Variants in RELL1 observed in about 807,000 individuals in gnomAD.
The protein encoded by RELL1 is RELT like 1.
In RELL1, 10 loss-of-function variants were observed where a neutral mutation model predicts 23.0. The ratio of observed to expected loss-of-function variants is 0.43; its 90% CI spans 0.27 to 0.74. The LOEUF (loss-of-function observed/expected upper bound fraction) is 0.74, where lower values mean the gene tolerates loss of function less well. RELL1 is among the 30% of genes least tolerant of loss of function. The pLI, the probability that RELL1 is intolerant of heterozygous loss-of-function variation, is 0.19. For missense variants in RELL1, 315 were observed against 364.4 expected, an observed-to-expected ratio of 0.86 and a Z score of 1.10; for synonymous variants, 146 against 146.8, an observed-to-expected ratio of 0.99 and a Z score of 0.04.
At chr4:37,609,780 T>C (rs1337481959), downstream of RELL1, among the ~76,000 whole-genome samples, 1 of 152,170 alleles carries the variant, frequency 6.6e-6, no homozygotes, top group East Asian at 1.9e-4. Context: ...GAAGTGAGCA[T>C]GAAGATTGAA....
Position 37,647,448 on chromosome 4 carries a change from G to T in RELL1, c.314-9C>A. The stretch of plus-strand genomic sequence containing the variant: ...CACACTGTCATTCAATTCTGAAAGA[G>T]AAAAGAGGAGGGGAGAACAGGTTAC... On this transcript the variant is annotated splice_polypyrimidine_tract_variant and intron_variant, in intron 2 of 6. Transcript: ENST00000454158. 2 of 1,602,194 alleles carry T rather than the reference G, an allele frequency of 1.2e-6. No homozygotes were observed. Among genetic ancestry groups the T allele is most frequent in the Non-Finnish European group, 1.7e-6 (2 of 1,169,406 alleles).
chr4:37,617,483 T>G (rs1291462900), intron 6 of RELL1, among the ~76,000 whole-genome samples: 2 of 152,074 alleles, frequency 1.3e-5, no homozygotes, highest in African/African-American at 4.8e-5. Flanking sequence ...AAATATTAAT[T>G]AAAAACTTCA....
In RELL1 at chr4:37,611,729, A is replaced by AT. The variant is rs779853598; in HGVS notation, c.*1616dup. Among the ~76,000 whole-genome samples, 5 of 151,496 alleles carry AT rather than the reference A, an allele frequency of 3.3e-5. No individual in the cohort carries two copies. Among genetic ancestry groups the AT allele is most frequent in the South Asian group, 4.2e-4 (2 of 4,800 alleles). ...CAGGTGTTTTGTAAAATGTACAGTT[A>AT]TAAAAAAAAAAAAGAAAAAGAAAAG... On this transcript the variant is annotated 3_prime_UTR_variant, in exon 7 of 7. Coordinates refer to ENST00000454158, the MANE Select transcript of RELL1 (RefSeq NM_001085400.2).
chr4:37,633,480 A>AT (rs1226426688), intron 5 of RELL1, among the ~76,000 whole-genome samples: 17 of 139,496 alleles, frequency 1.2e-4, no homozygotes, highest in Admixed American at 5.1e-4. Context: ...ATTTCAGCAG[A>AT]TTTTTTTTTA....
At position 37,680,610 on chromosome 4, in the gene RELL1, G is replaced by A. The variant is rs112440031; in HGVS notation, c.88+5590C>T. On this transcript the variant is annotated intron_variant, in intron 1 of 6. Coordinates refer to ENST00000454158, the MANE Select transcript of RELL1 (RefSeq NM_001085400.2). ...GTTATATTGCATTATGAACCTATCC[G>A]AGTTAAAAATGCAATTAAAGAACCT... 5.3e-3 allele frequency among the ~76,000 whole-genome samples: 812 copies of A among 152,224 alleles called. 5 individuals carry two copies. Among genetic ancestry groups the A allele is most frequent in the African/African-American group, 0.018 (766 of 41,544 alleles).
At chr4:37,644,102 C>A (rs1720614771) in intron 3 of RELL1, among the ~76,000 whole-genome samples, 1 of 152,156 alleles carries the variant, frequency 6.6e-6, no homozygotes, top group Admixed American at 6.5e-5. Context: ...CCGGTATTGA[C>A]TGCTCAGTGG....
chr4:37,655,959 T>A (rs1200342546), intron 1 of RELL1, among the ~76,000 whole-genome samples: 1 of 152,130 alleles, frequency 6.6e-6, no homozygotes, highest in Admixed American at 6.5e-5. Flanking sequence ...CTCGAAAGGT[T>A]AAAAATAGAA....
chr4:37,604,257 G>A (rs150618317), intron 6 of RELL1, among the ~76,000 whole-genome samples: 3 of 152,196 alleles, frequency 2.0e-5, no homozygotes, highest in Non-Finnish European at 2.9e-5. Context: ...GTGACCAAAC[G>A]TCCCCATTCT....
At chr4:37,666,252 T>C (rs1318999998) in intron 1 of RELL1, among the ~76,000 whole-genome samples, 1 of 152,206 alleles carries the variant, frequency 6.6e-6, no homozygotes, top group Non-Finnish European at 1.5e-5. Flanking sequence ...ATCTGGGAAA[T>C]GGCTGGGCCA....
At chr4:37,667,950 A>C (rs1452911068) in intron 1 of RELL1, among the ~76,000 whole-genome samples, 1 of 152,118 alleles carries the variant, frequency 6.6e-6, no homozygotes, top group Admixed American at 6.5e-5. Context: ...AAATGATCTC[A>C]ATTGTGAATG....
At chr4:37,644,264 A>G (rs569801129) in intron 3 of RELL1, among the ~76,000 whole-genome samples, 2 of 151,890 alleles carry the variant, frequency 1.3e-5, no homozygotes, top group East Asian at 3.9e-4. Context: ...GCCTCCTCCA[A>G]GGACCCCAAA....
In RELL1 at chr4:37,686,191, G is replaced by C; in HGVS notation, c.88+9C>G. 1.3e-6 allele frequency: 2 copies of C among 1,575,328 alleles called. No individual in the cohort carries two copies. The highest frequency in any genetic ancestry group is 1.7e-6 in the Non-Finnish European group (2 of 1,168,992). ...GCACCCGGCGCCCCGGCTACGACCG[G>C]ACACTCACCCGGAGCCACCAGCGGC... On this transcript the variant is annotated intron_variant, in intron 1 of 6. Transcript: ENST00000454158.
chr4:37,619,600 C>G (rs915862907), intron 6 of RELL1, among the ~76,000 whole-genome samples: 1 of 152,142 alleles, frequency 6.6e-6, no homozygotes, highest in African/African-American at 2.4e-5. Flanking sequence ...CAGAGTCTCT[C>G]TCTGTCACCC....
chr4:37,677,877 C>A (rs896465998), intron 1 of RELL1, among the ~76,000 whole-genome samples: 2 of 152,090 alleles, frequency 1.3e-5, no homozygotes, highest in African/African-American at 4.8e-5. Context: ...GAGGCTGAGG[C>A]AGAAGAATCA....
chr4:37,665,160 G>T, intron 1 of RELL1: 1 of 437,692 alleles, frequency 2.3e-6, no homozygotes, highest in South Asian at 1.6e-5. Context: ...AAGCAGTTTT[G>T]TTAAGATCCT....
At chr4:37,626,352 T>G (rs1408350516) in intron 6 of RELL1, among the ~76,000 whole-genome samples, 1 of 152,042 alleles carries the variant, frequency 6.6e-6, no homozygotes, top group Non-Finnish European at 1.5e-5. Context: ...GTGGCTTGCA[T>G]CTGCAATCCC....
At chr4:37,605,858 AAAAG>A (rs1368673182), downstream of RELL1, among the ~76,000 whole-genome samples, 14 of 142,858 alleles carry the variant, frequency 9.8e-5, no homozygotes, top group Non-Finnish European at 1.9e-4. Context: ...AAAAGAAAAG[AAAAG>A]AAAGAGAAAG....
Position 37,622,799 on chromosome 4 carries a change from CTTTTTT to C in RELL1, c.*3+8580_*3+8585del, listed in dbSNP as rs763432060. 1.6e-4 allele frequency: 63 copies of C among 391,680 alleles called. No homozygotes were observed. In the East Asian group the frequency reaches 4.3e-3, roughly 27 times the overall value. The allele number at this position is 391,680 out of a possible 1,614,324, so 24.3% of individuals were successfully genotyped here. On this transcript the variant is annotated intron_variant, in intron 6 of 6. Coordinates refer to ENST00000454158, the MANE Select transcript of RELL1 (RefSeq NM_001085400.2). ...GCACATAGTAGGGTCTCAAGTAATG[CTTTTTT>C]TTTTTTTTTTTTTTCTGAGACAGAG... is the stretch of plus-strand genomic sequence containing the variant.
chr4:37,610,388 G>T (rs1435138683), downstream of RELL1, among the ~76,000 whole-genome samples: 1 of 152,094 alleles, frequency 6.6e-6, no homozygotes, highest in Non-Finnish European at 1.5e-5. This position sits in a 1 kb window ranked among gnomAD's most constrained non-coding sequence, Gnocchi z 4.1. Context: ...TGGCTTGATT[G>T]CAATATTTGC....
Sources: gnomAD v4.1 joint callset for allele counts (sites outside exome capture counted in the v4.1 genomes callset) on GRCh38, gnomAD v4.1.1 for gene constraint, Gnocchi (gnomAD v3.1) non-coding constraint, MANE v1.5 for transcripts, NCBI Gene and HGNC (gene_info 2026-07-23, HGNC 2026-07-21) for gene names.